The following LSAMP variants were observed in gnomAD, a reference collection of about 807,000 sequenced individuals.
LSAMP encodes limbic system-associated membrane protein.
Under a neutral mutation model 38.6 loss-of-function variants are expected in LSAMP, and 7 were observed. That is an observed-to-expected ratio of 0.18 (90% CI 0.10 to 0.34). The LOEUF is 0.34. Ranked by LOEUF, LSAMP falls within the 10% of genes least tolerant of loss-of-function variation. LSAMP has a pLI of 1.00. For synonymous variants in LSAMP, 154 were observed against 166.8 expected (o/e 0.92, Z 0.59); for missense variants, 313 against 420.0 (o/e 0.75, Z 2.23).
At chr3:115,902,029 CAG>C (rs1936888147) in intron 3 of LSAMP, among the ~76,000 whole-genome samples, 1 of 143,808 alleles carries the variant, frequency 7.0e-6, no homozygotes, top group African/African-American at 2.7e-5. Flanking sequence ...TGAAAGGCAA[CAG>C]AAAAAAAATC....
At chr3:116,216,368 T>G (rs1378948247) in intron 1 of LSAMP, among the ~76,000 whole-genome samples, 2 of 152,162 alleles carry the variant, frequency 1.3e-5, no homozygotes, top group Admixed American at 6.5e-5. Flanking sequence ...CTAGGTATGC[T>G]CTGATAAGGA....
chr3:116,259,670 G>A (rs1034319032), intron 1 of LSAMP, among the ~76,000 whole-genome samples: 4 of 152,060 alleles, frequency 2.6e-5, no homozygotes, highest in South Asian at 4.1e-4. Context: ...CTGTGGTGCT[G>A]GTGGTGTTGG....
Position 116,076,351 on chromosome 3 carries a change from G to A in LSAMP, c.388+9973C>T, listed in dbSNP as rs1354934935. ...TGGCTCACTGCAACCTCCACCTCCC[G>A]GGTTCACACCATTCTCCTGCCTCAG... On this transcript the variant is annotated intron_variant, in intron 2 of 6. Coordinates refer to ENST00000490035, the MANE Select transcript of LSAMP (RefSeq NM_002338.5). Among the ~76,000 whole-genome samples, 5 of 152,090 alleles carry A rather than the reference G, an allele frequency of 3.3e-5. No homozygotes were observed. In the East Asian group the frequency reaches 5.8e-4, roughly 18 times the overall value.
rs1559869032 is a variant in LSAMP, at chr3:116,440,397, C to T, written c.155+4480G>A. Reference sequence around the variant, plus strand: ...GAGAAACACAAAGGTTTAACCCTCACCAGTGACTCAGTGGATGAGTCAGTC... The same window carrying T: ...GAGAAACACAAAGGTTTAACCCTCATCAGTGACTCAGTGGATGAGTCAGTC... On this transcript the variant is annotated intron_variant, in intron 1 of 6. Coordinates refer to ENST00000490035, the MANE Select transcript of LSAMP (RefSeq NM_002338.5). 2.0e-5 allele frequency among the ~76,000 whole-genome samples: 3 copies of T among 152,336 alleles called. No homozygotes were observed. The South Asian group carries it at 6.2e-4, about 32-fold the overall frequency.
intron 3 of LSAMP, among the ~76,000 whole-genome samples, chr3:115,994,244 G>C (rs1276711033): frequency 6.6e-6 from 1 of 152,070 alleles, no homozygotes; most frequent in Non-Finnish European, 1.5e-5. Context: ...TTCAGGGAAA[G>C]AGGGAGGAAC....
At chr3:116,152,296 C>A (rs533012392) in intron 1 of LSAMP, among the ~76,000 whole-genome samples, 1 of 152,110 alleles carries the variant, frequency 6.6e-6, no homozygotes, top group Non-Finnish European at 1.5e-5. Context: ...CACGTACAAA[C>A]GCATTCATTT....
chr3:116,226,743 C>T (rs994567332), intron 1 of LSAMP, among the ~76,000 whole-genome samples: 3 of 152,178 alleles, frequency 2.0e-5, no homozygotes, highest in Non-Finnish European at 1.5e-5. Context: ...CGTGTAGACA[C>T]GTCACAGTTA....
chr3:116,282,297 C>T (rs2047136702), intron 1 of LSAMP, among the ~76,000 whole-genome samples: 2 of 151,838 alleles, frequency 1.3e-5, no homozygotes, highest in Middle Eastern at 3.2e-3. Flanking sequence ...TGTAAATATC[C>T]AAAATATATC....
intron 1 of LSAMP, among the ~76,000 whole-genome samples, chr3:116,209,557 G>A (rs902310840): frequency 2.0e-5 from 3 of 152,110 alleles, no homozygotes; most frequent in South Asian, 4.1e-4. Context: ...TATGTTTTGT[G>A]TACACTGTGG....
chr3:116,381,754 C>T (rs189410700), intron 1 of LSAMP, among the ~76,000 whole-genome samples: 6 of 152,072 alleles, frequency 3.9e-5, no homozygotes, highest in African/African-American at 7.2e-5. Context: ...AGTTGACTAC[C>T]GCAGAGACCA....
At chr3:116,233,269 C>T (rs535256287) in intron 1 of LSAMP, among the ~76,000 whole-genome samples, 162 of 151,754 alleles carry the variant, frequency 1.1e-3, no homozygotes, top group African/African-American at 3.6e-3. Flanking sequence ...AAAAATTAGC[C>T]GGGCATGGTG....
intron 3 of LSAMP, among the ~76,000 whole-genome samples, chr3:115,910,545 C>T (rs1937111830): frequency 6.6e-6 from 1 of 152,168 alleles, no homozygotes; most frequent in African/African-American, 2.4e-5. Context: ...TCTGTATCCT[C>T]TACCTAGTTT....
intron 6 of LSAMP, among the ~76,000 whole-genome samples, chr3:115,835,768 C>A (rs145695452): frequency 1.3e-5 from 2 of 152,270 alleles, no homozygotes; most frequent in East Asian, 3.9e-4. Context: ...CAGCTTTTCT[C>A]CAGCTTGGCT....
At chr3:115,846,436 A>G (rs945263701) in intron 4 of LSAMP, among the ~76,000 whole-genome samples, 7 of 152,222 alleles carry the variant, frequency 4.6e-5, no homozygotes, top group African/African-American at 1.7e-4. Context: ...AATATTGGGA[A>G]TATTAGTATA....
At chr3:115,880,409 G>T (rs1489048043) in intron 3 of LSAMP, among the ~76,000 whole-genome samples, 6 of 151,866 alleles carry the variant, frequency 4.0e-5, no homozygotes, top group East Asian at 1.9e-4. Context: ...CTTAAATTTT[G>T]TTTTGCCTTT....
chr3:116,416,181 C>G (rs1339493925), intron 1 of LSAMP, among the ~76,000 whole-genome samples: 1 of 152,140 alleles, frequency 6.6e-6, no homozygotes, highest in African/African-American at 2.4e-5. Flanking sequence ...AATAGTACAA[C>G]AAGCACTAAT....
chr3:116,111,934 A>T (rs993132401), intron 1 of LSAMP, among the ~76,000 whole-genome samples: 4 of 152,230 alleles, frequency 2.6e-5, no homozygotes, highest in Non-Finnish European at 5.9e-5. Flanking sequence ...TGCTTCTGCT[A>T]GCCTGCACTG....
At chr3:116,019,333 A>G (rs558252939) in intron 3 of LSAMP, among the ~76,000 whole-genome samples, 182 bp downstream of exon 3, 11 of 152,312 alleles carry the variant, frequency 7.2e-5, no homozygotes, top group African/African-American at 2.2e-4. Flanking sequence ...CTAAATAAAT[A>G]AAATAAAAAA....
chr3:115,826,361 C>T (rs1014758841), intron 6 of LSAMP, among the ~76,000 whole-genome samples: 1 of 152,106 alleles, frequency 6.6e-6, no homozygotes, highest in African/African-American at 2.4e-5. Context: ...GTGATTCAGC[C>T]TCCCAAAGTG....
Sources: allele counts gnomAD v4.1 joint callset (sites outside exome capture counted in the v4.1 genomes callset), GRCh38; gene constraint gnomAD v4.1.1; transcripts MANE v1.5; gene names NCBI Gene and HGNC (gene_info 2026-07-23, HGNC 2026-07-21).